The following CCDC178 variants were observed in gnomAD, a reference collection of about 807,000 sequenced individuals.
The protein encoded by CCDC178 is coiled-coil domain containing 178, also known as coiled-coil domain-containing protein 178.
In CCDC178, 126 loss-of-function variants were observed where a neutral mutation model predicts 117.4. The observed-to-expected ratio is 1.07, with a 90% confidence interval of 0.93 to 1.24. The LOEUF (loss-of-function observed/expected upper bound fraction) is 1.24, where lower values mean the gene tolerates loss of function less well. CCDC178 is among the 50% of genes most tolerant of loss of function. The pLI is 0.00. For synonymous variants in CCDC178, 283 were observed against 313.4 expected, an observed-to-expected ratio of 0.90 and a Z score of 1.02; for missense variants, 1,030 against 986.9, an observed-to-expected ratio of 1.04 and a Z score of -0.59.
At chr18:33,227,548 G>A (rs1434206330) in intron 15 of CCDC178, among the ~76,000 whole-genome samples, 61 of 89,284 alleles carry the variant, frequency 6.8e-4, no homozygotes, top group African/African-American at 2.0e-3. Context: ...GTGTGTGTGT[G>A]TGTGTGTGTA....
intron 20 of CCDC178, among the ~76,000 whole-genome samples, chr18:33,159,734 G>T (rs1306701569): frequency 6.6e-6 from 1 of 152,028 alleles, no homozygotes; most frequent in Admixed American, 6.6e-5. Context: ...CTGGTGATTA[G>T]GATGCAGATA....
In CCDC178 at chr18:33,215,532, TAA is replaced by T. The variant is rs1568062108; in HGVS notation, c.2078+16_2078+17del. The T allele has an allele frequency of 8.3e-7, 1 of 1,207,052 alleles. No individual in the cohort carries two copies. 74.8% of individuals were successfully genotyped at this position (1,207,052 alleles called of 1,614,324 possible). On this transcript the variant is annotated intron_variant, in intron 19 of 22. Transcript: ENST00000383096. The stretch of plus-strand genomic sequence containing the variant: ...ATTTTTTAAAAACTTCATATTTTGA[TAA>T]AGTTTAAGTACTTACTTTAATATTT...
At chr18:33,264,318 T>C (rs2059787727) in intron 14 of CCDC178, among the ~76,000 whole-genome samples, 1 of 152,066 alleles carries the variant, frequency 6.6e-6, no homozygotes, top group Non-Finnish European at 1.5e-5. Flanking sequence ...ACTATTTTGA[T>C]ATATGAATTG....
At chr18:33,284,147 C>T (rs972901991) in intron 12 of CCDC178, among the ~76,000 whole-genome samples, 2 of 150,362 alleles carry the variant, frequency 1.3e-5, no homozygotes, top group East Asian at 3.9e-4. Context: ...TGCAAACTAA[C>T]ACAGGAACAG....
chr18:33,149,903 A>G (rs1251331264), intron 20 of CCDC178, among the ~76,000 whole-genome samples: 1 of 152,214 alleles, frequency 6.6e-6, no homozygotes, highest in South Asian at 2.1e-4. Context: ...TAAAATTCAT[A>G]TGGAACCAAA....
At chr18:33,303,891 T>A (rs1340142176) in intron 11 of CCDC178, among the ~76,000 whole-genome samples, 3 of 151,792 alleles carry the variant, frequency 2.0e-5, no homozygotes, top group Non-Finnish European at 4.4e-5. Flanking sequence ...CCAGAGTAAA[T>A]GAGAGAGGGA....
intron 21 of CCDC178, among the ~76,000 whole-genome samples, chr18:32,982,992 T>C (rs2055183071): frequency 6.6e-6 from 1 of 152,028 alleles, no homozygotes; most frequent in African/African-American, 2.4e-5. Flanking sequence ...TATAGGTTCA[T>C]CAGTTGTAAC....
chr18:33,148,920 CA>C (rs1568018352), intron 20 of CCDC178, among the ~76,000 whole-genome samples: 1 of 152,210 alleles, frequency 6.6e-6, no homozygotes, highest in East Asian at 1.9e-4. Context: ...CCCCTCACCC[CA>C]ACCCCTGCAT....
chr18:32,944,633 C>G (rs955957608), intron 22 of CCDC178, among the ~76,000 whole-genome samples: 4 of 152,148 alleles, frequency 2.6e-5, no homozygotes, highest in Non-Finnish European at 4.4e-5. Context: ...AACTTTATAG[C>G]TATGTTGGGA....
At chr18:33,061,527 G>A (rs970865362) in intron 21 of CCDC178, among the ~76,000 whole-genome samples, 11 of 151,932 alleles carry the variant, frequency 7.2e-5, no homozygotes, top group Admixed American at 1.3e-4. Flanking sequence ...TCCTGATATC[G>A]TACACTTTTT....
intron 20 of CCDC178, among the ~76,000 whole-genome samples, chr18:33,158,232 T>C (rs2058423713): frequency 6.6e-6 from 1 of 152,274 alleles, no homozygotes; most frequent in South Asian, 2.1e-4. Context: ...CTTCAAGATG[T>C]AGTCTAATTT....
intron 21 of CCDC178, among the ~76,000 whole-genome samples, chr18:32,978,512 G>C (rs2055073941): frequency 6.6e-6 from 1 of 152,134 alleles, no homozygotes; most frequent in Admixed American, 6.5e-5. Context: ...GTGATCACTT[G>C]ATAAATGTTT....
intron 6 of CCDC178, among the ~76,000 whole-genome samples, chr18:33,358,914 A>G (rs918107528): frequency 2.0e-5 from 3 of 151,940 alleles, no homozygotes; most frequent in Non-Finnish European, 4.4e-5. Context: ...GTGGCAAAAG[A>G]TAAATTGGCA....
intron 3 of CCDC178, among the ~76,000 whole-genome samples, chr18:33,404,483 C>A (rs1362798545): frequency 6.6e-6 from 1 of 151,974 alleles, no homozygotes; most frequent in Non-Finnish European, 1.5e-5. Context: ...TGTGGAGAAA[C>A]TGGAGTCCAT....
chr18:33,067,436 C>A (rs1053978906), intron 21 of CCDC178, among the ~76,000 whole-genome samples: 26 of 151,630 alleles, frequency 1.7e-4, no homozygotes, highest in Non-Finnish European at 4.4e-5. Flanking sequence ...TAATGATGAA[C>A]CTGAAGGAAA....
chr18:33,272,599 T>C (rs1353698083), intron 12 of CCDC178, among the ~76,000 whole-genome samples: 1 of 151,126 alleles, frequency 6.6e-6, no homozygotes, highest in Non-Finnish European at 1.5e-5. Context: ...TCACAAGAAA[T>C]GAAAAGTACA....
chr18:33,370,102 A>G lies in CCDC178; in HGVS notation c.296T>C (p.Met99Thr). The change falls in exon 6 of 23, where the codon ATG becomes ACG. Residue 99 changes from methionine (M) to threonine (T), a missense_variant. Physicochemically the swap from Met to Thr is moderately conservative, Grantham distance 81. Coordinates refer to ENST00000383096, the MANE Select transcript of CCDC178 (RefSeq NM_001105528.4). ...VNIPAPCVNK[M>T]ISHIQDVESK... ...CTCCACATCTTGGATGTGTGAAATCATTTTGTTGACACAAGGTGCTGGAAT... is the reference window on the plus strand; with the variant it reads ...CTCCACATCTTGGATGTGTGAAATCGTTTTGTTGACACAAGGTGCTGGAAT... 1 of 1,606,190 alleles carries G rather than the reference A, an allele frequency of 6.2e-7. No individual in the cohort carries two copies. Among genetic ancestry groups the G allele is most frequent in the African/African-American group, 1.3e-5 (1 of 74,400 alleles).
chr18:33,308,146 C>T (rs1013520424), intron 11 of CCDC178, among the ~76,000 whole-genome samples: 36 of 152,202 alleles, frequency 2.4e-4, no homozygotes, highest in African/African-American at 8.2e-4. Context: ...GCCACAGACA[C>T]TCAATACCAG....
At chr18:33,429,026 G>GA (rs11381656) in intron 2 of CCDC178, among the ~76,000 whole-genome samples, 113,160 of 144,982 alleles carry the variant, frequency 0.78, 44,271 homozygotes, top group East Asian at 0.99. Context: ...AGTTTAAAAG[G>GA]AAAAAAAAAA....
Sources: gnomAD v4.1 joint callset for allele counts (sites outside exome capture counted in the v4.1 genomes callset) on GRCh38, gnomAD v4.1.1 for gene constraint, MANE v1.5 for transcripts, NCBI Gene and HGNC (gene_info 2026-07-23, HGNC 2026-07-21) for gene names.